ZC3H8: variants seen among roughly 807,000 people sequenced by gnomAD.
The protein encoded by ZC3H8 is zinc finger CCCH-type containing 8.
Under a neutral mutation model 42.5 loss-of-function variants are expected in ZC3H8, and 27 were observed. The observed-to-expected ratio is 0.64, with a 90% CI of 0.47 to 0.88. The LOEUF is 0.88. Ranked by LOEUF, ZC3H8 falls within the 40% of genes least tolerant of loss-of-function variation. The pLI is 0.00. For synonymous variants in ZC3H8, 101 were observed against 110.1 expected, an observed-to-expected ratio of 0.92 and a Z score of 0.52; for missense variants, 277 against 336.1, an observed-to-expected ratio of 0.82 and a Z score of 1.37.
rs1684199179 is a variant in ZC3H8 at position 112,213,230 on chromosome 2, A to G, written c.*3254T>C. The G allele has an allele frequency of 6.6e-6, 1 of 152,062 alleles. No individual in the cohort carries two copies. The highest frequency in any genetic ancestry group is 2.1e-4 in the South Asian group (1 of 4,798). 9.4% of individuals were successfully genotyped at this position (152,062 alleles called of 1,614,324 possible). A position where few individuals can be genotyped will look rare whatever the true frequency, so the allele number is the denominator to read the frequency against. On this transcript the variant is annotated 3_prime_UTR_variant, in exon 9 of 9. Transcript: ENST00000409573. ...AGTGATCCTCCTGCCTTGGCCTCCCAAAGTGCCGAGATTCAAGGTGTGAGC... is the reference window on the plus strand; with the variant it reads ...AGTGATCCTCCTGCCTTGGCCTCCCGAAGTGCCGAGATTCAAGGTGTGAGC...
chr2:112,251,793 G>A (rs530685729), intron 1 of ZC3H8, among the ~76,000 whole-genome samples: 1 of 152,256 alleles, frequency 6.6e-6, no homozygotes, highest in East Asian at 1.9e-4. Flanking sequence ...ATTCAACACT[G>A]CCCATTCTAA....
chr2:112,245,722 C>G (rs1387654851), intron 2 of ZC3H8, among the ~76,000 whole-genome samples: 1 of 152,084 alleles, frequency 6.6e-6, no homozygotes, highest in Non-Finnish European at 1.5e-5. Flanking sequence ...GAAGATCTAG[C>G]TAAGATCATT....
At position 112,214,001 on chromosome 2, in the gene ZC3H8, A is replaced by C. The variant is rs1684235684; in HGVS notation, c.*2483T>G. 1 of 140,888 alleles carries C rather than the reference A, an allele frequency of 7.1e-6. No homozygotes were observed. Among genetic ancestry groups the C allele is most frequent in the Non-Finnish European group, 1.5e-5 (1 of 65,990 alleles). 8.7% of individuals were successfully genotyped at this position (140,888 alleles called of 1,614,324 possible). A position where few individuals can be genotyped will look rare whatever the true frequency, so the allele number is the denominator to read the frequency against. On this transcript the variant is annotated 3_prime_UTR_variant, in exon 9 of 9. Transcript: ENST00000409573. ...CTCACTGTCGCCCAGGCTGGAGTGC[A>C]GTGGTGCGATCTCAGCTCACTGCAG...
At chr2:112,225,093 G>A (rs988591748) in intron 8 of ZC3H8, among the ~76,000 whole-genome samples, 5 of 152,186 alleles carry the variant, frequency 3.3e-5, no homozygotes, top group Non-Finnish European at 7.3e-5. Flanking sequence ...CTGGTAGTAT[G>A]TAGAAAGAGA....
At chr2:112,230,869 A>G in intron 8 of ZC3H8, 34 bp downstream of exon 8, 1 of 1,270,446 alleles carries the variant, frequency 7.9e-7, no homozygotes, top group African/African-American at 1.6e-5. Context: ...TGTTCAGACA[A>G]GAAAAAAAGA....
intron 1 of ZC3H8, chr2:112,254,104 A>C: frequency 1.0e-6 from 1 of 984,258 alleles, no homozygotes; most frequent in Non-Finnish European, 1.2e-6. Flanking sequence ...CACAAGGTAA[A>C]GCTCTGGATG....
At chr2:112,249,828 A>G (rs921845264) in intron 2 of ZC3H8, among the ~76,000 whole-genome samples, 5 of 152,252 alleles carry the variant, frequency 3.3e-5, no homozygotes, top group African/African-American at 1.2e-4. Flanking sequence ...GCTATAAATC[A>G]CTAAGGTTGG....
rs752252866 is a variant in ZC3H8 at position 112,254,950 on chromosome 2, G to A, written c.32C>T (p.Pro11Leu). The change falls in exon 1 of 9, where the codon CCC becomes CTC. Residue 11 changes from proline to leucine, a missense_variant. Pro to Leu is a moderately conservative substitution (Grantham distance 98). Coordinates refer to ENST00000409573, the MANE Select transcript of ZC3H8 (RefSeq NM_032494.3). ...GGCCGTTTTGCCGAGGGCCGGGTTGGGGGGTTTTGAGAAAAGATTCTCAAA... is the reference window on the plus strand; with the variant it reads ...GGCCGTTTTGCCGAGGGCCGGGTTGAGGGGTTTTGAGAAAAGATTCTCAAA... MDFENLFSKP[P>L]NPALGKTATD... 1.2e-6 allele frequency: 2 copies of A among 1,613,036 alleles called. No homozygotes were observed. Among genetic ancestry groups the A allele is most frequent in the Non-Finnish European group, 1.7e-6 (2 of 1,179,578 alleles).
intron 8 of ZC3H8, among the ~76,000 whole-genome samples, chr2:112,226,780 A>G (rs1341384093): frequency 3.9e-5 from 6 of 152,052 alleles, no homozygotes; most frequent in South Asian, 2.1e-4. Flanking sequence ...CTACACATGA[A>G]TATCCCTCAT....
At chr2:112,231,232 A>T (rs1685076531) in intron 7 of ZC3H8, among the ~76,000 whole-genome samples, 1 of 152,174 alleles carries the variant, frequency 6.6e-6, no homozygotes, top group African/African-American at 2.4e-5. Context: ...AGCACCTTTG[A>T]CTTTGTAATA....
chr2:112,254,188 A>C, intron 1 of ZC3H8: 1 of 980,432 alleles, frequency 1.0e-6, no homozygotes, highest in Non-Finnish European at 1.2e-6. Flanking sequence ...CACAACTGGA[A>C]ATATATCTCA....
chr2:112,224,207 A>ATT (rs1192891720), intron 8 of ZC3H8, among the ~76,000 whole-genome samples: 2 of 152,250 alleles, frequency 1.3e-5, no homozygotes, highest in African/African-American at 4.8e-5. Flanking sequence ...ATATTTAAAA[A>ATT]TTTAGTTTAT....
At chr2:112,224,113 A>G (rs1573888875) in intron 8 of ZC3H8, among the ~76,000 whole-genome samples, 1 of 152,196 alleles carries the variant, frequency 6.6e-6, no homozygotes, top group African/African-American at 2.4e-5. Context: ...ACTGCACTCC[A>G]GCTTAGGTGA....
rs565056538 is a variant in ZC3H8, at chr2:112,216,667, AAGATT to A, written c.*16-204_*16-200del. On this transcript the variant is annotated intron_variant, in intron 8 of 8. Transcript: ENST00000409573. ...CATTCTGAATTGAAATTCAAAAACT[AAGATT>A]AGAACTGAAGCAAAAAAAAAAAAAA... 3.8e-3 allele frequency among the ~76,000 whole-genome samples: 566 copies of A among 150,808 alleles called. 3 individuals carry two copies. Among genetic ancestry groups the A allele is most frequent in the Admixed American group, 6.0e-3 (90 of 15,092 alleles).
In ZC3H8 at chr2:112,215,837, C is replaced by T. The variant is rs192657925; in HGVS notation, c.*647G>A. ...AAAGATAAATATTCTTATATTTTAA[C>T]AACAGAAAAGTTACGAACTCTAAAT... On this transcript the variant is annotated 3_prime_UTR_variant, in exon 9 of 9. Transcript: ENST00000409573. 6.6e-4 allele frequency: 101 copies of T among 152,116 alleles called. No homozygotes were observed. Among genetic ancestry groups the T allele is most frequent in the African/African-American group, 2.2e-3 (90 of 41,518 alleles). The allele number at this position is 152,116 out of a possible 1,614,324, so 9.4% of individuals were successfully genotyped here.
rs973580575 is a variant in ZC3H8 at position 112,254,997 on chromosome 2, T to A, written c.-16A>T. The A allele has an allele frequency of 6.3e-7, 1 of 1,594,562 alleles. No homozygotes were observed. The highest frequency in any genetic ancestry group is 1.8e-5 in the Admixed American group (1 of 56,642). On this transcript the variant is annotated 5_prime_UTR_variant, in exon 1 of 9. Coordinates refer to ENST00000409573, the MANE Select transcript of ZC3H8 (RefSeq NM_032494.3). ...CAAAATCCATGACCCAGACAGGTCC[T>A]CCCTTTCGCGAGCCGGGAAGCTACA...
intron 8 of ZC3H8, among the ~76,000 whole-genome samples, chr2:112,220,359 C>T (rs999099613): frequency 2.6e-5 from 4 of 152,146 alleles, no homozygotes; most frequent in African/African-American, 9.7e-5. Flanking sequence ...TAACAAATTC[C>T]CTTAGCCTTT....
At position 112,228,747 on chromosome 2, in the gene ZC3H8, C is replaced by T. The variant is rs144535262; in HGVS notation, c.*15+2156G>A. 3.2e-4 allele frequency among the ~76,000 whole-genome samples: 48 copies of T among 151,668 alleles called. No individual in the cohort carries two copies. In the East Asian group the frequency reaches 8.3e-3, roughly 26 times the overall value. On this transcript the variant is annotated intron_variant, in intron 8 of 8. Transcript: ENST00000409573. ...AAGAGAAAACTGATAAACTGTACGACATCAAAATGAAAACTTTGATGCTTC... is the reference window on the plus strand; with the variant it reads ...AAGAGAAAACTGATAAACTGTACGATATCAAAATGAAAACTTTGATGCTTC...
At chr2:112,231,494 C>T (rs1187479681) in intron 7 of ZC3H8, among the ~76,000 whole-genome samples, 2 of 152,074 alleles carry the variant, frequency 1.3e-5, no homozygotes, top group African/African-American at 4.8e-5. Context: ...TTTATAAACC[C>T]GTAACTTGTA....
Sources: allele counts gnomAD v4.1 joint callset (sites outside exome capture counted in the v4.1 genomes callset), GRCh38; gene constraint gnomAD v4.1.1; transcripts MANE v1.5; gene names NCBI Gene and HGNC (gene_info 2026-07-23, HGNC 2026-07-21).